The following REDIC1 variants were observed in gnomAD, a reference collection of about 807,000 sequenced individuals.
REDIC1 encodes HEI10 Interacting Protein 1.
chr12:39,796,188 A>G, the REDIC1 span, among the ~76,000 whole-genome samples: 1 of 152,178 alleles, frequency 6.6e-6, no homozygotes, highest in Non-Finnish European at 1.5e-5. Context: ...TATGCATGGC[A>G]ATTTTCATAT....
At chr12:39,849,641 G>A in the REDIC1 span, among the ~76,000 whole-genome samples, 1 of 152,110 alleles carries the variant, frequency 6.6e-6, no homozygotes, top group African/African-American at 2.4e-5. Context: ...TACAATTTCT[G>A]TTGCTCCAAT....
chr12:39,901,151 A>G, the REDIC1 span, among the ~76,000 whole-genome samples: 1 of 152,200 alleles, frequency 6.6e-6, no homozygotes, highest in Non-Finnish European at 1.5e-5. Flanking sequence ...GAAAGCTGAA[A>G]CTGGATCCCT....
the REDIC1 span, among the ~76,000 whole-genome samples, chr12:39,821,172 C>G: frequency 6.6e-6 from 1 of 152,076 alleles, no homozygotes; most frequent in African/African-American, 2.4e-5. Context: ...CCAGCACTTT[C>G]GGAGACCAAG....
the REDIC1 span, among the ~76,000 whole-genome samples, chr12:39,741,600 C>T: frequency 2.0e-5 from 3 of 152,060 alleles, no homozygotes; most frequent in East Asian, 5.8e-4. Context: ...AAAATAAAAA[C>T]CCAGGAAGTC....
the REDIC1 span, among the ~76,000 whole-genome samples, chr12:39,731,408 T>G: frequency 0.74 from 112,064 of 152,164 alleles, 42,689 homozygotes; most frequent in Non-Finnish European, 0.84. Context: ...AACAGGCCCC[T>G]CTGCTGCAGG....
At chr12:39,711,565 G>GCACGTGCA in the REDIC1 span, among the ~76,000 whole-genome samples, 1 of 121,758 alleles carries the variant, frequency 8.2e-6, no homozygotes, top group Non-Finnish European at 1.7e-5. Context: ...ACATGCATGT[G>GCACGTGCA]TATATGTGCA....
chr12:39,904,206 G>A, the REDIC1 span, among the ~76,000 whole-genome samples: 15 of 152,124 alleles, frequency 9.9e-5, no homozygotes, highest in Non-Finnish European at 2.2e-4. Flanking sequence ...TTGTTTACCA[G>A]GGAAGTTCAT....
At chr12:39,726,332 G>A in the REDIC1 span, among the ~76,000 whole-genome samples, 2 of 151,916 alleles carry the variant, frequency 1.3e-5, no homozygotes, top group Non-Finnish European at 2.9e-5. Context: ...ACCCCAACAG[G>A]CTCCAGTGTG....
the REDIC1 span, among the ~76,000 whole-genome samples, chr12:39,686,011 A>C: frequency 6.6e-6 from 1 of 152,338 alleles, no homozygotes; most frequent in Non-Finnish European, 1.5e-5. Context: ...GGATTCCAAA[A>C]GCCTTGGGCA....
At chr12:39,720,025 T>C in the REDIC1 span, among the ~76,000 whole-genome samples, 1 of 152,020 alleles carries the variant, frequency 6.6e-6, no homozygotes, top group Non-Finnish European at 1.5e-5. Context: ...CAATACTTTA[T>C]ATAAGATTTT....
chr12:39,751,116 C>T, the REDIC1 span, among the ~76,000 whole-genome samples: 56 of 152,136 alleles, frequency 3.7e-4, no homozygotes, highest in East Asian at 2.3e-3. Flanking sequence ...ACTATCAGAG[C>T]GAACAGGCAA....
the REDIC1 span, among the ~76,000 whole-genome samples, chr12:39,866,636 C>T: frequency 1.3e-5 from 2 of 152,066 alleles, no homozygotes; most frequent in African/African-American, 4.8e-5. Flanking sequence ...CCCGCCACCT[C>T]GCCCGGCTAA....
the REDIC1 span, among the ~76,000 whole-genome samples, chr12:39,747,258 C>T: frequency 6.6e-6 from 1 of 152,180 alleles, no homozygotes; most frequent in African/African-American, 2.4e-5. Flanking sequence ...AAAACCATGG[C>T]ATGAGAACTA....
chr12:39,662,341 C>A, the REDIC1 span, among the ~76,000 whole-genome samples: 8 of 151,974 alleles, frequency 5.3e-5, no homozygotes, highest in Non-Finnish European at 2.9e-5. Context: ...TTTGTAGAGG[C>A]CTTTCACCTC....
chr12:39,764,748 A>T, the REDIC1 span: 2 of 1,612,648 alleles, frequency 1.2e-6, no homozygotes, highest in South Asian at 2.2e-5. Context: ...AGGTGCAAAG[A>T]AGACAAGATA....
At chr12:39,750,662 T>C in the REDIC1 span, among the ~76,000 whole-genome samples, 1 of 152,118 alleles carries the variant, frequency 6.6e-6, no homozygotes, top group Non-Finnish European at 1.5e-5. Context: ...CTTCAAACTA[T>C]ACTACAAGGC....
At chr12:39,876,490 G>A in the REDIC1 span, among the ~76,000 whole-genome samples, 1 of 151,932 alleles carries the variant, frequency 6.6e-6, no homozygotes, top group Non-Finnish European at 1.5e-5. Flanking sequence ...CTGGTTTATT[G>A]AATTTATCTA....
chr12:39,772,393 GAAT>G, the REDIC1 span, among the ~76,000 whole-genome samples: 1 of 152,060 alleles, frequency 6.6e-6, no homozygotes, highest in Non-Finnish European at 1.5e-5. Context: ...CTTGCCAAAA[GAAT>G]AATCACCGTG....
the REDIC1 span, among the ~76,000 whole-genome samples, chr12:39,887,695 T>C: frequency 2.0e-5 from 3 of 152,214 alleles, no homozygotes; most frequent in African/African-American, 4.8e-5. Flanking sequence ...GGAAATAGCC[T>C]ATCATTCTGT....
Sources: allele counts gnomAD v4.1 joint callset (sites outside exome capture counted in the v4.1 genomes callset), GRCh38; gene constraint gnomAD v4.1.1; transcripts MANE v1.5; gene names NCBI Gene and HGNC (gene_info 2026-07-23, HGNC 2026-07-21).